RGS7BP: variants seen among roughly 807,000 people sequenced by gnomAD.
The protein encoded by RGS7BP is regulator of G protein signaling 7 binding protein.
RGS7BP carries 9 observed loss-of-function variants against 31.3 expected under a neutral mutation model. The ratio of observed to expected loss-of-function variants is 0.29; its 90% CI spans 0.17 to 0.50. RGS7BP has a LOEUF of 0.50. RGS7BP is among the 20% of genes least tolerant of loss of function. RGS7BP has a pLI of 0.98. For missense variants in RGS7BP, 274 were observed against 322.0 expected, an observed-to-expected ratio of 0.85 and a Z score of 1.14; for synonymous variants, 115 against 120.1, an observed-to-expected ratio of 0.96 and a Z score of 0.28.
intron 2 of RGS7BP, among the ~76,000 whole-genome samples, chr5:64,554,077 C>T (rs1251971203): frequency 1.3e-5 from 2 of 152,154 alleles, no homozygotes; most frequent in African/African-American, 4.8e-5. Context: ...GCTCTTTGCC[C>T]TTCTCCACCC....
chr5:64,578,322 C>T (rs1742490322), intron 3 of RGS7BP, among the ~76,000 whole-genome samples: 1 of 152,178 alleles, frequency 6.6e-6, no homozygotes, highest in African/African-American at 2.4e-5. Context: ...CTGATAGTAC[C>T]TTTGATTTCT....
intron 3 of RGS7BP, among the ~76,000 whole-genome samples, chr5:64,590,116 G>T (rs1157987351): frequency 6.6e-6 from 1 of 151,858 alleles, no homozygotes; most frequent in Non-Finnish European, 1.5e-5. Flanking sequence ...AAAAATTGGT[G>T]CATCCCTAGG....
intron 2 of RGS7BP, among the ~76,000 whole-genome samples, chr5:64,569,914 T>C (rs556773201): frequency 6.6e-6 from 1 of 152,296 alleles, no homozygotes; most frequent in Non-Finnish European, 1.5e-5. Flanking sequence ...TCCTTGCCAC[T>C]TGGCATAATA....
chr5:64,609,305 C>T lies in RGS7BP; in HGVS notation c.*53C>T, dbSNP rs1291827771. 8.0e-6 allele frequency: 8 copies of T among 1,001,514 alleles called. No homozygotes were observed. Among genetic ancestry groups the T allele is most frequent in the Admixed American group, 3.4e-5 (2 of 58,890 alleles). 62.0% of individuals were successfully genotyped at this position (1,001,514 alleles called of 1,614,324 possible). On this transcript the variant is annotated 3_prime_UTR_variant, in exon 6 of 6. Coordinates refer to ENST00000334025, the MANE Select transcript of RGS7BP (RefSeq NM_001029875.3). ...ACATCTGAAAAAAAATCACAAAACCCGAGGACCTCCAGACAGCTGAACCAC... is the reference window on the plus strand; with the variant it reads ...ACATCTGAAAAAAAATCACAAAACCTGAGGACCTCCAGACAGCTGAACCAC...
At chr5:64,542,897 C>T (rs1198168312) in intron 2 of RGS7BP, among the ~76,000 whole-genome samples, 2 of 152,192 alleles carry the variant, frequency 1.3e-5, no homozygotes, top group Non-Finnish European at 2.9e-5. Context: ...CCCCATACGA[C>T]TCTGTGAAGT....
At chr5:64,549,936 A>G (rs761693771) in intron 2 of RGS7BP, among the ~76,000 whole-genome samples, 25 of 152,254 alleles carry the variant, frequency 1.6e-4, no homozygotes, top group South Asian at 2.1e-4. Flanking sequence ...TAAATACCCA[A>G]TGTCATCGCT....
intron 2 of RGS7BP, among the ~76,000 whole-genome samples, chr5:64,572,389 A>G (rs1217150372): frequency 6.6e-6 from 1 of 152,186 alleles, no homozygotes; most frequent in Non-Finnish European, 1.5e-5. Flanking sequence ...CTTGCATTTC[A>G]ATGAACTTTC....
intron 5 of RGS7BP, among the ~76,000 whole-genome samples, chr5:64,605,847 A>G (rs1743336501): frequency 2.0e-5 from 3 of 151,160 alleles, no homozygotes; most frequent in Non-Finnish European, 4.4e-5. Context: ...ACATAAATAT[A>G]TGTGTATATG....
intron 5 of RGS7BP, among the ~76,000 whole-genome samples, chr5:64,602,365 C>CAGTTTTTA (rs1743240190): frequency 6.6e-6 from 1 of 152,210 alleles, no homozygotes; most frequent in Non-Finnish European, 1.5e-5. Flanking sequence ...GTCCAAGATT[C>CAGTTTTTA]AGTGTGACGT....
At chr5:64,528,807 T>C (rs1749297203) in intron 2 of RGS7BP, among the ~76,000 whole-genome samples, 1 of 67,894 alleles carries the variant, frequency 1.5e-5, no homozygotes. Context: ...CAAGACTCCA[T>C]CTCAAAAAAA....
rs570942658 is a variant in RGS7BP at position 64,589,666 on chromosome 5, G to T, written c.464-5044G>T. Among the ~76,000 whole-genome samples, 8 of 152,244 alleles carry T rather than the reference G, an allele frequency of 5.3e-5. No homozygotes were observed. In the South Asian group the frequency reaches 1.7e-3, roughly 32 times the overall value. On this transcript the variant is annotated intron_variant, in intron 3 of 5. Transcript: ENST00000334025. ...GTAACATGACAGGCCATGCACAGTG[G>T]CTCATGCCTGTAATTCCAGCACTTT...
At chr5:64,584,695 A>T (rs1742695988) in intron 3 of RGS7BP, among the ~76,000 whole-genome samples, 1 of 152,242 alleles carries the variant, frequency 6.6e-6, no homozygotes, top group African/African-American at 2.4e-5. Context: ...AGCACAGAAG[A>T]GGCCAAAGGG....
At chr5:64,532,711 C>T (rs1309683959) in intron 2 of RGS7BP, among the ~76,000 whole-genome samples, 2 of 152,238 alleles carry the variant, frequency 1.3e-5, no homozygotes, top group South Asian at 4.2e-4. Context: ...ACATTTAGTA[C>T]CCAAGTAAAA....
intron 2 of RGS7BP, among the ~76,000 whole-genome samples, chr5:64,521,738 A>C (rs1164737661): frequency 6.6e-6 from 1 of 152,204 alleles, no homozygotes; most frequent in East Asian, 1.9e-4. Flanking sequence ...TAGCAATAGA[A>C]ACCTATTGCT....
Position 64,506,666 on chromosome 5 carries a change from G to C in RGS7BP, c.42G>C (p.Arg14=). ...ATGGGCGCAAAAAGCGCCCCAGCCG[G>C]TCCACCCGCTCCTCGATCTTCCAGA... is the stretch of plus-strand genomic sequence containing the variant. ...APNGRKKRPS[R]STRSSIFQIS... The change falls in exon 1 of 6, where the codon CGG becomes CGC. Residue 14 remains arginine (R), a synonymous_variant. Coordinates refer to ENST00000334025, the MANE Select transcript of RGS7BP (RefSeq NM_001029875.3). The surrounding 1 kb of genome is among the most constrained non-coding windows in gnomAD (Gnocchi z 4.6). 2.5e-6 allele frequency: 4 copies of C among 1,612,650 alleles called. No individual in the cohort carries two copies. The highest frequency in any genetic ancestry group is 3.4e-6 in the Non-Finnish European group (4 of 1,178,948).
intron 2 of RGS7BP, among the ~76,000 whole-genome samples, chr5:64,545,912 G>A (rs1247973051): frequency 6.6e-6 from 1 of 152,140 alleles, no homozygotes; most frequent in Admixed American, 6.5e-5. Context: ...CTCTGGGCCG[G>A]AAATAAATGT....
At chr5:64,532,298 C>CTT (rs76214343) in intron 2 of RGS7BP, among the ~76,000 whole-genome samples, 25 of 145,972 alleles carry the variant, frequency 1.7e-4, no homozygotes, top group East Asian at 4.0e-4. Context: ...TTGTAATATC[C>CTT]TTTTTTTTTT....
At chr5:64,594,898 C>T in intron 4 of RGS7BP, 41 bp downstream of exon 4, 2 of 1,601,228 alleles carry the variant, frequency 1.2e-6, no homozygotes, top group Non-Finnish European at 1.7e-6. Flanking sequence ...CAATCCTCCT[C>T]CCGTTAATGT....
rs375214701 is a variant in RGS7BP, at chr5:64,596,711, T to A, written c.612-1654T>A. 2.4e-4 allele frequency among the ~76,000 whole-genome samples: 36 copies of A among 152,242 alleles called. 1 individual carries two copies. Among genetic ancestry groups the A allele is most frequent in the East Asian group, 1.7e-3 (9 of 5,172 alleles). On this transcript the variant is annotated intron_variant, in intron 4 of 5. Transcript: ENST00000334025. ...CACCCATGAGAGTGGATTTGGAAAGTTTTTACAGGTATATTTCCGCAGATC... is the reference window on the plus strand; with the variant it reads ...CACCCATGAGAGTGGATTTGGAAAGATTTTACAGGTATATTTCCGCAGATC...
Sources: allele counts gnomAD v4.1 joint callset (sites outside exome capture counted in the v4.1 genomes callset), GRCh38; gene constraint gnomAD v4.1.1; non-coding constraint Gnocchi (gnomAD v3.1); transcripts MANE v1.5; gene names NCBI Gene and HGNC (gene_info 2026-07-23, HGNC 2026-07-21).